Variants in AGBL1 observed in about 807,000 individuals in gnomAD.
AGBL1 encodes AGBL carboxypeptidase 1.
AGBL1 carries 130 observed loss-of-function variants against 118.9 expected under a neutral mutation model. The observed-to-expected ratio is 1.09, with a 90% CI of 0.95 to 1.26. The LOEUF is 1.26. Ranked by LOEUF, AGBL1 falls within the 50% of genes most tolerant of loss-of-function variation. The pLI is 0.00. For synonymous variants in AGBL1, 555 were observed against 478.9 expected (o/e 1.16, Z -2.08); for missense variants, 1,584 against 1,298.1 (o/e 1.22, Z -3.38).
chr15:87,002,332 T>C (rs1261722624), intron 24 of AGBL1, among the ~76,000 whole-genome samples: 1 of 152,136 alleles, frequency 6.6e-6, no homozygotes, highest in Non-Finnish European at 1.5e-5. Flanking sequence ...GTTCCATTGT[T>C]CTATATCTCT....
intron 21 of AGBL1, among the ~76,000 whole-genome samples, chr15:86,633,632 T>TA (rs1406260441): frequency 4.0e-5 from 6 of 151,610 alleles, no homozygotes; most frequent in African/African-American, 7.3e-5. Context: ...CCCAAGGGAG[T>TA]AAAAAAGATC....
At chr15:86,830,054 T>C (rs1435980316) in intron 22 of AGBL1, among the ~76,000 whole-genome samples, 1 of 152,146 alleles carries the variant, frequency 6.6e-6, no homozygotes, top group Non-Finnish European at 1.5e-5. Flanking sequence ...CTTAGAATAA[T>C]TTTATATGTT....
At chr15:86,218,162 C>G (rs974245458) in intron 5 of AGBL1, among the ~76,000 whole-genome samples, 17 of 152,160 alleles carry the variant, frequency 1.1e-4, no homozygotes, top group Non-Finnish European at 2.5e-4. Context: ...GTACCAGACC[C>G]TCACATGCTT....
At chr15:86,609,067 A>C (rs531583510) in intron 21 of AGBL1, among the ~76,000 whole-genome samples, 9 of 152,114 alleles carry the variant, frequency 5.9e-5, no homozygotes, top group Non-Finnish European at 1.3e-4. Context: ...ATTTAGCTAA[A>C]CTGTGCGGGT....
chr15:86,745,064 A>G (rs2077735813), intron 22 of AGBL1, among the ~76,000 whole-genome samples: 1 of 152,132 alleles, frequency 6.6e-6, no homozygotes, highest in African/African-American at 2.4e-5. Flanking sequence ...CTTTCCGTAG[A>G]CGTACTGCTG....
intron 22 of AGBL1, among the ~76,000 whole-genome samples, chr15:86,727,095 A>G (rs2086832363): frequency 6.6e-6 from 1 of 152,196 alleles, no homozygotes; most frequent in Non-Finnish European, 1.5e-5. Context: ...AGTGTCAGGC[A>G]GTACTTGGGA....
chr15:86,849,517 C>CTTTCT (rs1555456693), intron 22 of AGBL1, among the ~76,000 whole-genome samples: 13 of 136,798 alleles, frequency 9.5e-5, no homozygotes, highest in Admixed American at 2.3e-4. Flanking sequence ...TTCTTTCTTT[C>CTTTCT]TTTTTTTTTT....
At chr15:86,956,371 A>G (rs186692043) in intron 23 of AGBL1, among the ~76,000 whole-genome samples, 395 of 152,218 alleles carry the variant, frequency 2.6e-3, no homozygotes, top group Non-Finnish European at 4.8e-3. Context: ...TGAGAGAGGC[A>G]GATAAAATGA....
intron 18 of AGBL1, among the ~76,000 whole-genome samples, chr15:86,476,140 A>C (rs553070191): frequency 2.2e-4 from 34 of 152,346 alleles, no homozygotes; most frequent in African/African-American, 7.5e-4. Context: ...TAAATTGTAA[A>C]GACCATCGAT....
chr15:86,987,981 T>TGAGTGG (rs1464892310), intron 23 of AGBL1: 1 of 1,613,066 alleles, frequency 6.2e-7, no homozygotes, highest in Non-Finnish European at 8.5e-7. Flanking sequence ...TATCTGAACA[T>TGAGTGG]TACAGATTAA....
chr15:86,827,912 C>T (rs1236634280), intron 22 of AGBL1, among the ~76,000 whole-genome samples: 1 of 111,830 alleles, frequency 8.9e-6, no homozygotes. Flanking sequence ...ATACAATTAA[C>T]ATAGTCTCTG....
intron 17 of AGBL1, among the ~76,000 whole-genome samples, chr15:86,319,422 C>A (rs777266950): frequency 3.0e-4 from 46 of 152,024 alleles, no homozygotes; most frequent in Non-Finnish European, 5.0e-4. Context: ...AACATTTTCT[C>A]AAATATTTCT....
chr15:86,120,327 T>C (rs1898019351), intron 1 of AGBL1, among the ~76,000 whole-genome samples: 1 of 152,244 alleles, frequency 6.6e-6, no homozygotes. Context: ...AATGCAAAGC[T>C]AAGTCACTCC....
At chr15:86,560,302 G>A (rs9796578) in intron 21 of AGBL1, among the ~76,000 whole-genome samples, 59,187 of 105,138 alleles carry the variant, frequency 0.56, 13,194 homozygotes, top group East Asian at 0.77. Flanking sequence ...CCCCACCCCC[G>A]CAACAGTCCC....
At chr15:86,601,262 C>T (rs149290084) in intron 21 of AGBL1, among the ~76,000 whole-genome samples, 1 of 152,240 alleles carries the variant, frequency 6.6e-6, no homozygotes, top group African/African-American at 2.4e-5. Flanking sequence ...ACTTAGCTAG[C>T]ACTCAGTTAA....
intron 21 of AGBL1, among the ~76,000 whole-genome samples, chr15:86,645,811 A>G (rs957959102): frequency 6.6e-6 from 1 of 152,174 alleles, no homozygotes; most frequent in Non-Finnish European, 1.5e-5. Flanking sequence ...TAAAATCCAT[A>G]TTATTTTTAC....
chr15:86,879,362 A>G (rs541186686), intron 22 of AGBL1, among the ~76,000 whole-genome samples: 1 of 152,268 alleles, frequency 6.6e-6, no homozygotes, highest in East Asian at 1.9e-4. Flanking sequence ...GGGCCTCCCC[A>G]CATGGTCTTT....
chr15:86,739,460 AAAAAAGT>A (rs1004862541), intron 22 of AGBL1, among the ~76,000 whole-genome samples: 2 of 150,562 alleles, frequency 1.3e-5, no homozygotes, highest in Non-Finnish European at 3.0e-5. Flanking sequence ...AAAAAAAAAA[AAAAAAGT>A]AAAAGAGAAA....
chr15:86,765,187 C>T (rs1282266171), intron 22 of AGBL1, among the ~76,000 whole-genome samples: 3 of 151,984 alleles, frequency 2.0e-5, no homozygotes, highest in Admixed American at 6.6e-5. Flanking sequence ...AAGCCCCTGA[C>T]TTGTATTTTT....
Sources: allele counts gnomAD v4.1 joint callset (sites outside exome capture counted in the v4.1 genomes callset), GRCh38; gene constraint gnomAD v4.1.1; transcripts MANE v1.5; gene names NCBI Gene and HGNC (gene_info 2026-07-23, HGNC 2026-07-21).